PARD3: variants seen among roughly 807,000 people sequenced by gnomAD.
PARD3 encodes par-3 family cell polarity regulator, also known as partitioning defective 3 homolog.
A neutral mutation model predicts 155.4 loss-of-function variants in PARD3; 75 were observed. The ratio of observed to expected loss-of-function variants is 0.48; its 90% CI spans 0.40 to 0.58. PARD3 has a LOEUF of 0.58. PARD3 is among the 20% of genes least tolerant of loss of function. The probability of loss-of-function intolerance (pLI) is 0.00; values close to 1 mark genes in which losing one functional copy is unlikely to be tolerated. For missense variants in PARD3, 1,642 were observed against 1,721.7 expected (o/e 0.95, Z 0.82); for synonymous variants, 576 against 610.5 (o/e 0.94, Z 0.83).
intron 3 of PARD3, among the ~76,000 whole-genome samples, chr10:34,474,463 C>A (rs1433663574): frequency 6.6e-6 from 1 of 152,198 alleles, no homozygotes; most frequent in East Asian, 1.9e-4. Context: ...TTTATGATTG[C>A]ATGAAAATTA....
intron 22 of PARD3, among the ~76,000 whole-genome samples, chr10:34,229,917 A>C (rs1402371975): frequency 2.6e-5 from 4 of 152,108 alleles, no homozygotes. Context: ...TAAAAGTCTT[A>C]AGTGAGAACT....
chr10:34,269,428 G>A (rs1447242101), intron 22 of PARD3, among the ~76,000 whole-genome samples: 1 of 152,138 alleles, frequency 6.6e-6, no homozygotes, highest in Non-Finnish European at 1.5e-5. Context: ...ACCATCTTCA[G>A]AACAAAATGA....
chr10:34,484,154 G>A (rs988689993), intron 3 of PARD3, among the ~76,000 whole-genome samples: 2 of 152,142 alleles, frequency 1.3e-5, no homozygotes, highest in African/African-American at 4.8e-5. Context: ...GAAAACCAGA[G>A]CAAGAAGGCA....
intron 19 of PARD3, among the ~76,000 whole-genome samples, chr10:34,325,720 A>G (rs1834941284): frequency 6.6e-6 from 1 of 152,202 alleles, no homozygotes; most frequent in Non-Finnish European, 1.5e-5. Flanking sequence ...TCTGTTTGGA[A>G]GTGTGTTTCA....
chr10:34,303,162 ATTTTTT>A (rs5784409), intron 20 of PARD3, among the ~76,000 whole-genome samples: 2 of 131,974 alleles, frequency 1.5e-5, no homozygotes, highest in Non-Finnish European at 3.1e-5. Flanking sequence ...GCCCAGGTGA[ATTTTTT>A]TTTTTTTTTT....
chr10:34,313,419 C>A (rs998388867), intron 20 of PARD3, among the ~76,000 whole-genome samples: 1 of 152,088 alleles, frequency 6.6e-6, no homozygotes, highest in African/African-American at 2.4e-5. Flanking sequence ...TTATTTGATT[C>A]CTTATAGATT....
chr10:34,764,779 T>C (rs747813483), intron 1 of PARD3, among the ~76,000 whole-genome samples: 1 of 152,168 alleles, frequency 6.6e-6, no homozygotes, highest in Non-Finnish European at 1.5e-5. Flanking sequence ...AGGGTTTCCC[T>C]CACAAGTTGG....
In PARD3 at chr10:34,509,677, C is replaced by T. The variant is rs115117435; in HGVS notation, c.403+7302G>A. Among the ~76,000 whole-genome samples, 1,456 of 152,174 alleles carry T rather than the reference C, an allele frequency of 9.6e-3. 28 individuals are homozygous for T. Among genetic ancestry groups the T allele is most frequent in the African/African-American group, 0.033 (1,367 of 41,506 alleles). ...ATGACTGATATTACTATGGTGAGGG[C>T]GGCCCATGATGGCCAAAGCGCCCAG... On this transcript the variant is annotated intron_variant, in intron 3 of 24. Transcript: ENST00000374788.
In PARD3 at chr10:34,345,991, TAAGAA is replaced by T. The variant is rs1220277215; in HGVS notation, c.2218+1969_2218+1973del. 6 of 984,808 alleles carry T rather than the reference TAAGAA, an allele frequency of 6.1e-6. No homozygotes were observed. The African/African-American group carries it at 1.0e-4, about 17-fold the overall frequency. 61.0% of individuals were successfully genotyped at this position (984,808 alleles called of 1,614,324 possible). A position where few individuals can be genotyped will look rare whatever the true frequency, so the allele number is the denominator to read the frequency against. On this transcript the variant is annotated intron_variant, in intron 15 of 24. Coordinates refer to ENST00000374788, the MANE Select transcript of PARD3 (RefSeq NM_001184785.2). Reference sequence around the variant, plus strand: ...CCGTTACAAATTGTAAAAATTATCTTAAGAAAATATCCAAATCATAAAAACATCAA... The same window carrying T: ...CCGTTACAAATTGTAAAAATTATCTTAATATCCAAATCATAAAAACATCAA...
rs1013937664 is a variant in PARD3 at position 34,152,770 on chromosome 10, T to C, written c.3420-21187A>G. ...GATTGTTTGCTTTCCTGTTTTCCCA[T>C]GCAGACAACTGGCCGTACATAGCAC... On this transcript the variant is annotated intron_variant, in intron 22 of 24. Coordinates refer to ENST00000374788, the MANE Select transcript of PARD3 (RefSeq NM_001184785.2). Among the ~76,000 whole-genome samples, 4 of 141,720 alleles carry C rather than the reference T, an allele frequency of 2.8e-5. No individual in the cohort carries two copies. The East Asian group carries it at 7.7e-4, about 27-fold the overall frequency. 93.0% of individuals were successfully genotyped at this position (141,720 alleles called of 152,430 possible).
chr10:34,727,341 T>C (rs1468335337), intron 1 of PARD3, among the ~76,000 whole-genome samples: 1 of 152,178 alleles, frequency 6.6e-6, no homozygotes, highest in Non-Finnish European at 1.5e-5. Context: ...TTCCCACGTT[T>C]TATGCAGCAT....
At chr10:34,326,025 G>A (rs973792851) in intron 19 of PARD3, among the ~76,000 whole-genome samples, 3 of 151,670 alleles carry the variant, frequency 2.0e-5, no homozygotes, top group Non-Finnish European at 2.9e-5. Flanking sequence ...GGAGGCTGAG[G>A]TAGGAGAATT....
At chr10:34,587,835 G>A (rs1207103144) in intron 2 of PARD3, among the ~76,000 whole-genome samples, 1 of 152,156 alleles carries the variant, frequency 6.6e-6, no homozygotes, top group African/African-American at 2.4e-5. Flanking sequence ...TTGCGGATAA[G>A]TGCCCTGAGA....
chr10:34,440,376 G>C (rs1032440866), intron 5 of PARD3, among the ~76,000 whole-genome samples: 3 of 152,160 alleles, frequency 2.0e-5, no homozygotes, highest in Admixed American at 6.5e-5. Context: ...AATAAAGAGA[G>C]TTATAGTATA....
At chr10:34,215,470 A>G (rs1205566010) in intron 22 of PARD3, among the ~76,000 whole-genome samples, 1 of 152,222 alleles carries the variant, frequency 6.6e-6, no homozygotes, top group Non-Finnish European at 1.5e-5. Flanking sequence ...TTCATAGCAC[A>G]TATGTTTCAC....
intron 1 of PARD3, among the ~76,000 whole-genome samples, chr10:34,769,581 A>C (rs9417140): frequency 0.29 from 43,320 of 151,390 alleles, 6,506 homozygotes; most frequent in East Asian, 0.54. Context: ...CACGGCAAAA[A>C]CCTGTCTCCA....
At chr10:34,734,222 A>C (rs1206127440) in intron 1 of PARD3, among the ~76,000 whole-genome samples, 1 of 151,982 alleles carries the variant, frequency 6.6e-6, no homozygotes, top group African/African-American at 2.4e-5. Flanking sequence ...TATATCAACA[A>C]AGCACTACAA....
At chr10:34,169,752 A>T (rs1038833182) in intron 22 of PARD3, among the ~76,000 whole-genome samples, 1 of 152,232 alleles carries the variant, frequency 6.6e-6, no homozygotes, top group African/African-American at 2.4e-5. Context: ...GTATAGACTC[A>T]TGGAAACCAC....
chr10:34,652,495 C>T (rs1250683258), intron 2 of PARD3, among the ~76,000 whole-genome samples: 1 of 152,192 alleles, frequency 6.6e-6, no homozygotes, highest in Non-Finnish European at 1.5e-5. Context: ...TGAAGGACCA[C>T]TTAGATGGTG....
Sources: gnomAD v4.1 joint callset for allele counts (sites outside exome capture counted in the v4.1 genomes callset) on GRCh38, gnomAD v4.1.1 for gene constraint, MANE v1.5 for transcripts, NCBI Gene and HGNC (gene_info 2026-07-23, HGNC 2026-07-21) for gene names.